The following TUBA1A variants were observed in gnomAD, a reference collection of about 807,000 sequenced individuals.
TUBA1A encodes the protein tubulin alpha 1a.
TUBA1A carries 7 observed loss-of-function variants against 34.6 expected under a neutral mutation model. That is an observed-to-expected ratio of 0.20 (90% CI 0.11 to 0.38). TUBA1A has a LOEUF of 0.38. Ranked by LOEUF, TUBA1A falls within the 10% of genes least tolerant of loss-of-function variation. The pLI is 1.00. For missense variants in TUBA1A, 19 were observed against 581.3 expected (o/e 0.03, Z 9.95); for synonymous variants, 193 against 210.2 (o/e 0.92, Z 0.71).
rs774128094 is a variant in TUBA1A, at chr12:49,186,019, G to T, written c.376-29C>A. On this transcript the variant is annotated intron_variant, in intron 3 of 3. Coordinates refer to ENST00000301071, the MANE Select transcript of TUBA1A (RefSeq NM_006009.4). This position sits in a 1 kb window ranked among gnomAD's most constrained non-coding sequence, Gnocchi z 6.6. Reference sequence around the variant, plus strand: ...TAACAAAAGAGAGGAACAGAGGAAAGGTTAAGTTTTTATTCTTTGTAGTAC... The same window carrying T: ...TAACAAAAGAGAGGAACAGAGGAAATGTTAAGTTTTTATTCTTTGTAGTAC... 3.7e-6 allele frequency: 6 copies of T among 1,613,760 alleles called. No homozygotes were observed. Among genetic ancestry groups the T allele is most frequent in the African/African-American group, 1.3e-5 (1 of 74,962 alleles).
Position 49,184,840 on chromosome 12 carries a change from T to C in TUBA1A, c.*170A>G, listed in dbSNP as rs1942158322. ...CTTTATTCAAAACCCATCACAGAAA[T>C]GGACAGCTTGGGTCTGTAACAAAGC... On this transcript the variant is annotated 3_prime_UTR_variant, in exon 4 of 4. Transcript: ENST00000301071. 4 of 1,084,736 alleles carry C rather than the reference T, an allele frequency of 3.7e-6. No individual in the cohort carries two copies. Among genetic ancestry groups the C allele is most frequent in the Non-Finnish European group, 5.5e-6 (4 of 729,322 alleles). 67.2% of individuals were successfully genotyped at this position (1,084,736 alleles called of 1,614,324 possible).
In TUBA1A at chr12:49,186,045, A is replaced by C. The variant is rs1208040096; in HGVS notation, c.376-55T>G. 2 of 1,604,124 alleles carry C rather than the reference A, an allele frequency of 1.2e-6. No individual in the cohort carries two copies. Among genetic ancestry groups the C allele is most frequent in the Admixed American group, 1.7e-5 (1 of 57,844 alleles). On this transcript the variant is annotated intron_variant, in intron 3 of 3. Transcript: ENST00000301071. This position sits in a 1 kb window ranked among gnomAD's most constrained non-coding sequence, Gnocchi z 6.6. ...GTTAAGTTTTTATTCTTTGTAGTAC[A>C]ATCATAGTAAATATATTTTCACTTT...
Position 49,188,644 on chromosome 12 carries a change from G to C in TUBA1A, c.3+333C>G. On this transcript the variant is annotated intron_variant, in intron 1 of 3. Transcript: ENST00000301071. This position sits in a 1 kb window ranked among gnomAD's most constrained non-coding sequence, Gnocchi z 4.9. Reference sequence around the variant, plus strand: ...TCAGCGAAACCGTGCGCACAGACACGGGGCCCAGCCGGGACGCCCCAGACC... The same window carrying C: ...TCAGCGAAACCGTGCGCACAGACACCGGGCCCAGCCGGGACGCCCCAGACC... The C allele has an allele frequency of 1.4e-6, 2 of 1,436,178 alleles. No individual in the cohort carries two copies. The highest frequency in any genetic ancestry group is 1.8e-6 in the Non-Finnish European group (2 of 1,100,514). 89.0% of individuals were successfully genotyped at this position (1,436,178 alleles called of 1,614,324 possible).
At chr12:49,187,608 A>T (rs202172322) in intron 1 of TUBA1A, 54 of 833,482 alleles carry the variant, frequency 6.5e-5, no homozygotes, top group African/African-American at 4.0e-4. Flanking sequence ...TTTTTTTTTA[A>T]AAAAAAAGGT....
chr12:49,188,347 G>A lies in TUBA1A; in HGVS notation c.3+630C>T. 2 of 1,532,318 alleles carry A rather than the reference G, an allele frequency of 1.3e-6. 1 individual carries two copies. Among genetic ancestry groups the A allele is most frequent in the South Asian group, 2.4e-5 (2 of 83,870 alleles). The allele number at this position is 1,532,318 out of a possible 1,614,324, so 94.9% of individuals were successfully genotyped here. A position where few individuals can be genotyped will look rare whatever the true frequency, so the allele number is the denominator to read the frequency against. On this transcript the variant is annotated intron_variant, in intron 1 of 3. Coordinates refer to ENST00000301071, the MANE Select transcript of TUBA1A (RefSeq NM_006009.4). This position sits in a 1 kb window ranked among gnomAD's most constrained non-coding sequence, Gnocchi z 4.9. ...GCCCAGTGGCTCCAACGCCATAGAA[G>A]CCAGAAACAAACAACCCCGCCCCTG...
chr12:49,186,281 A>G lies in TUBA1A; in HGVS notation c.375+29T>C. 1 of 1,612,660 alleles carries G rather than the reference A, an allele frequency of 6.2e-7. No individual in the cohort carries two copies. On this transcript the variant is annotated intron_variant, in intron 3 of 3. Transcript: ENST00000301071. This position sits in a 1 kb window ranked among gnomAD's most constrained non-coding sequence, Gnocchi z 6.6. ...TCAAATGTGTTCTTTAGGCTCATTA[A>G]TTTACTTTATTCTTGAAAAGAAACA...
Position 49,189,018 on chromosome 12 carries a change from G to C in TUBA1A, c.-39C>G. ...CGACTGCCGAGCTGATGGCGGAGAC[G>C]AAGAGGAGAGGTTGTTGCTTCTTAC... On this transcript the variant is annotated 5_prime_UTR_variant, in exon 1 of 4. Coordinates refer to ENST00000301071, the MANE Select transcript of TUBA1A (RefSeq NM_006009.4). 1 of 1,613,798 alleles carries C rather than the reference G, an allele frequency of 6.2e-7. No homozygotes were observed. The highest frequency in any genetic ancestry group is 1.7e-5 in the Admixed American group (1 of 60,020).
chr12:49,186,045 A>G lies in TUBA1A; in HGVS notation c.376-55T>C, dbSNP rs1208040096. The G allele has an allele frequency of 1.6e-5, 25 of 1,604,242 alleles. No individual in the cohort carries two copies. Among genetic ancestry groups the G allele is most frequent in the Non-Finnish European group, 2.1e-5 (25 of 1,175,394 alleles). On this transcript the variant is annotated intron_variant, in intron 3 of 3. Coordinates refer to ENST00000301071, the MANE Select transcript of TUBA1A (RefSeq NM_006009.4). The surrounding 1 kb of genome is among the most constrained non-coding windows in gnomAD (Gnocchi z 6.6). ...GTTAAGTTTTTATTCTTTGTAGTAC[A>G]ATCATAGTAAATATATTTTCACTTT...
chr12:49,188,874 G>T lies in TUBA1A; in HGVS notation c.3+103C>A, dbSNP rs35896524. 8 of 1,612,270 alleles carry T rather than the reference G, an allele frequency of 5.0e-6. No homozygotes were observed. Among genetic ancestry groups the T allele is most frequent in the African/African-American group, 1.3e-5 (1 of 74,894 alleles). On this transcript the variant is annotated intron_variant, in intron 1 of 3. Coordinates refer to ENST00000301071, the MANE Select transcript of TUBA1A (RefSeq NM_006009.4). This position sits in a 1 kb window ranked among gnomAD's most constrained non-coding sequence, Gnocchi z 4.9. ...CCTCACAAAACATACCACCACCCTC[G>T]CCCAGAGAGCTTACGAAAGAAAAGA...
Position 49,186,636 on chromosome 12 carries a change from A to G in TUBA1A, c.201T>C (p.Phe67=). 1 of 1,614,182 alleles carries G rather than the reference A, an allele frequency of 6.2e-7. No homozygotes were observed. Among genetic ancestry groups the G allele is most frequent in the Non-Finnish European group, 8.5e-7 (1 of 1,180,022 alleles). Reference sequence around the variant, plus strand: ...CAATGACTGTGGGTTCCAAGTCTACAAACACTGCCCGGGGCACATGCTTGC... The same window carrying G: ...CAATGACTGTGGGTTCCAAGTCTACGAACACTGCCCGGGGCACATGCTTGC... ...GAGKHVPRAV[F]VDLEPTVIDE... The change falls in exon 2 of 4, where the codon TTT becomes TTC. Residue 67 remains phenylalanine (F), a synonymous_variant. Coordinates refer to ENST00000301071, the MANE Select transcript of TUBA1A (RefSeq NM_006009.4). This position sits in a 1 kb window ranked among gnomAD's most constrained non-coding sequence, Gnocchi z 6.6.
At position 49,188,310 on chromosome 12, in the gene TUBA1A, A is replaced by C. The variant is rs1942208094; in HGVS notation, c.3+667T>G. 1 of 1,490,824 alleles carries C rather than the reference A, an allele frequency of 6.7e-7. No homozygotes were observed. Among genetic ancestry groups the C allele is most frequent in the Non-Finnish European group, 8.9e-7 (1 of 1,119,380 alleles). 92.3% of individuals were successfully genotyped at this position (1,490,824 alleles called of 1,614,324 possible). ...AGCTCCTGACAGAAGAGGTTCAGTG[A>C]GGGCGAACCCCGCCCAGTGGCTCCA... On this transcript the variant is annotated intron_variant, in intron 1 of 3. Transcript: ENST00000301071. The surrounding 1 kb of genome is among the most constrained non-coding windows in gnomAD (Gnocchi z 4.9).
chr12:49,188,818 G>A lies in TUBA1A; in HGVS notation c.3+159C>T. 2 of 1,599,064 alleles carry A rather than the reference G, an allele frequency of 1.3e-6. No homozygotes were observed. The highest frequency in any genetic ancestry group is 3.4e-5 in the Admixed American group (2 of 59,480). On this transcript the variant is annotated intron_variant, in intron 1 of 3. Coordinates refer to ENST00000301071, the MANE Select transcript of TUBA1A (RefSeq NM_006009.4). This position sits in a 1 kb window ranked among gnomAD's most constrained non-coding sequence, Gnocchi z 4.9. ...TTCCTGCACCCGCACTGCGGCGGCG[G>A]CGGGGCTTGAGGATTTGGGGCTAAG...
chr12:49,186,180 A>C lies in TUBA1A; in HGVS notation c.375+130T>G, dbSNP rs1048437349. 12 of 1,575,724 alleles carry C rather than the reference A, an allele frequency of 7.6e-6. No individual in the cohort carries two copies. In the African/African-American group the frequency reaches 1.5e-4, roughly 20 times the overall value. On this transcript the variant is annotated intron_variant, in intron 3 of 3. Transcript: ENST00000301071. This position sits in a 1 kb window ranked among gnomAD's most constrained non-coding sequence, Gnocchi z 6.6. ...AGTTCATTTTAACTGAATTTTAAAA[A>C]CCCCAAAAGAATGACTCATTCCACT...
In TUBA1A at chr12:49,186,055, A is replaced by G; in HGVS notation, c.376-65T>C. 1 of 1,596,868 alleles carries G rather than the reference A, an allele frequency of 6.3e-7. No homozygotes were observed. The highest frequency in any genetic ancestry group is 1.1e-5 in the South Asian group (1 of 88,204). The stretch of plus-strand genomic sequence containing the variant: ...TATTCTTTGTAGTACAATCATAGTA[A>G]ATATATTTTCACTTTTCATACATCT... On this transcript the variant is annotated intron_variant, in intron 3 of 3. Transcript: ENST00000301071. This position sits in a 1 kb window ranked among gnomAD's most constrained non-coding sequence, Gnocchi z 6.6.
chr12:49,184,808 G>T lies in TUBA1A; in HGVS notation c.*202C>A. On this transcript the variant is annotated 3_prime_UTR_variant, in exon 4 of 4. Coordinates refer to ENST00000301071, the MANE Select transcript of TUBA1A (RefSeq NM_006009.4). Reference sequence around the variant, plus strand: ...CACAGGACTGAATTCATTTAAGACAGGGAATACTTTATTCAAAACCCATCA... The same window carrying T: ...CACAGGACTGAATTCATTTAAGACATGGAATACTTTATTCAAAACCCATCA... 1.2e-6 allele frequency: 1 copy of T among 806,268 alleles called. No homozygotes were observed. The highest frequency in any genetic ancestry group is 2.7e-5 in the East Asian group (1 of 37,678). 49.9% of individuals were successfully genotyped at this position (806,268 alleles called of 1,614,324 possible). A position where few individuals can be genotyped will look rare whatever the true frequency, so the allele number is the denominator to read the frequency against.
chr12:49,187,969 G>A, intron 1 of TUBA1A: 1 of 984,026 alleles, frequency 1.0e-6, no homozygotes, highest in Non-Finnish European at 1.2e-6. Flanking sequence ...GTACCCTGGG[G>A]CTCACAAAGT....
rs886049495 is a variant in TUBA1A at position 49,189,078 on chromosome 12, T to C, written c.-99A>G. On this transcript the variant is annotated 5_prime_UTR_variant, in exon 1 of 4. Transcript: ENST00000301071. ...CTTAGGCGGTCGATGTAAGAGAACC[T>C]GCGGCACATAGGCGGATGCGGCTCC... is the stretch of plus-strand genomic sequence containing the variant. 1.5e-5 allele frequency: 23 copies of C among 1,513,278 alleles called. No homozygotes were observed. The highest frequency in any genetic ancestry group is 1.7e-4 in the Middle Eastern group (1 of 5,860). 93.7% of individuals were successfully genotyped at this position (1,513,278 alleles called of 1,614,324 possible).
Position 49,185,940 on chromosome 12 carries a change from A to G in TUBA1A, c.426T>C (p.Gly142=), listed in dbSNP as rs778119816. The G allele has an allele frequency of 1.9e-6, 3 of 1,614,082 alleles. No individual in the cohort carries two copies. Among genetic ancestry groups the G allele is most frequent in the Non-Finnish European group, 1.7e-6 (2 of 1,180,000 alleles). Residue 142 remains glycine (G), a synonymous_variant, in exon 4 of 4, where the codon GGT becomes GGC. Coordinates refer to ENST00000301071, the MANE Select transcript of TUBA1A (RefSeq NM_006009.4). The part of the protein sequence containing the change: ...LQGFLVFHSF[G]GGTGSGFTSL... Reference sequence around the variant, plus strand: ...AGGTGAACCCAGAACCAGTTCCCCCACCAAAGCTGTGGAAAACCAAGAAGC... The same window carrying G: ...AGGTGAACCCAGAACCAGTTCCCCCGCCAAAGCTGTGGAAAACCAAGAAGC...
Position 49,184,888 on chromosome 12 carries a change from C to A in TUBA1A, c.*122G>T. The A allele has an allele frequency of 6.7e-7, 1 of 1,502,728 alleles. No individual in the cohort carries two copies. Among genetic ancestry groups the A allele is most frequent in the South Asian group, 1.1e-5 (1 of 87,820 alleles). 93.1% of individuals were successfully genotyped at this position (1,502,728 alleles called of 1,614,324 possible). ...AGCATTCATGTTTTAGAGCATAGGT[C>A]AGTAATTGTATATGAGAGCATACAC... On this transcript the variant is annotated 3_prime_UTR_variant, in exon 4 of 4. Coordinates refer to ENST00000301071, the MANE Select transcript of TUBA1A (RefSeq NM_006009.4).
Sources: allele counts gnomAD v4.1 joint callset, GRCh38; gene constraint gnomAD v4.1.1; non-coding constraint Gnocchi (gnomAD v3.1); transcripts MANE v1.5; gene names NCBI Gene and HGNC (gene_info 2026-07-23, HGNC 2026-07-21).